The following ADGRL2 variants were observed in gnomAD, a reference collection of about 807,000 sequenced individuals.
ADGRL2 encodes adhesion G protein-coupled receptor L2.
In ADGRL2, 44 loss-of-function variants were observed where a neutral mutation model predicts 157.4. The observed-to-expected ratio is 0.28, with a 90% CI of 0.22 to 0.36. The LOEUF is 0.36. Among genes scored for constraint, ADGRL2 ranks in the 10% least tolerant of loss-of-function variants. The pLI is 1.00. For synonymous variants in ADGRL2, 585 were observed against 624.7 expected (o/e 0.94, Z 0.95); for missense variants, 1,510 against 1,768.9 (o/e 0.85, Z 2.63).
intron 1 of ADGRL2, among the ~76,000 whole-genome samples, chr1:81,756,991 T>G (rs111247895): frequency 6.6e-6 from 1 of 152,190 alleles, no homozygotes; most frequent in Non-Finnish European, 1.5e-5. Flanking sequence ...TTTGGTTTAC[T>G]AGGAGTGTCT....
chr1:81,752,106 G>A (rs556555129), intron 1 of ADGRL2, among the ~76,000 whole-genome samples: 5 of 152,256 alleles, frequency 3.3e-5, no homozygotes, highest in African/African-American at 4.8e-5. Flanking sequence ...AGGTGATTAG[G>A]TCATAAGGGT....
At chr1:81,569,086 T>C (rs972831642) in intron 2 of ADGRL2, among the ~76,000 whole-genome samples, 1 of 152,144 alleles carries the variant, frequency 6.6e-6, no homozygotes, top group African/African-American at 2.4e-5. Context: ...CTGCCCACAT[T>C]CAAATAAAAG....
At chr1:81,555,371 C>T (rs913098315) in intron 2 of ADGRL2, among the ~76,000 whole-genome samples, 6 of 149,646 alleles carry the variant, frequency 4.0e-5, no homozygotes, top group South Asian at 2.1e-4. Flanking sequence ...TGGGTTCAAG[C>T]GATTCTCCTG....
chr1:81,315,786 G>A (rs1228367180), intron 1 of ADGRL2, among the ~76,000 whole-genome samples: 1 of 151,306 alleles, frequency 6.6e-6, no homozygotes, highest in Non-Finnish European at 1.5e-5. Flanking sequence ...TTTTTGATTT[G>A]TTGAACTTTT....
chr1:81,818,552 C>G (rs778226087), intron 1 of ADGRL2, among the ~76,000 whole-genome samples: 5 of 152,094 alleles, frequency 3.3e-5, no homozygotes, highest in African/African-American at 4.8e-5. Context: ...TTTATTCTTT[C>G]CAAGAACGAT....
chr1:81,840,880 C>T lies in ADGRL2; in HGVS notation c.73+3823C>T, dbSNP rs182769768. 3.1e-3 allele frequency among the ~76,000 whole-genome samples: 466 copies of T among 152,102 alleles called. 2 individuals are homozygous for T. Among genetic ancestry groups the T allele is most frequent in the Non-Finnish European group, 4.2e-3 (283 of 67,976 alleles). ...CAGATTCTTGAAAAGTCAGTTTTAT[C>T]GAGAGACTGGTATGCTTTGATTCTT... On this transcript the variant is annotated intron_variant, in intron 2 of 23. Transcript: ENST00000686636.
At chr1:81,985,103 A>C (rs1193772971) in intron 20 of ADGRL2, among the ~76,000 whole-genome samples, 156 bp from the exon 21 acceptor site, 1 of 152,068 alleles carries the variant, frequency 6.6e-6, no homozygotes, top group African/African-American at 2.4e-5. Context: ...TAAACAATAG[A>C]TATTGTTAGT....
At chr1:81,648,382 G>A (rs550083340) in intron 3 of ADGRL2, among the ~76,000 whole-genome samples, 18 of 152,268 alleles carry the variant, frequency 1.2e-4, no homozygotes, top group African/African-American at 2.6e-4. Context: ...TCTCTGCTCC[G>A]GTGTGCTGCC....
At chr1:81,602,926 C>T (rs994136130) in intron 3 of ADGRL2, among the ~76,000 whole-genome samples, 3 of 146,898 alleles carry the variant, frequency 2.0e-5, no homozygotes, top group Admixed American at 1.4e-4. Context: ...GTGTCCAATA[C>T]ATGCAGAAAC....
chr1:81,824,882 G>C (rs1253521538), intron 1 of ADGRL2, among the ~76,000 whole-genome samples: 1 of 151,418 alleles, frequency 6.6e-6, no homozygotes, highest in East Asian at 1.9e-4. Context: ...CAGAAACAGT[G>C]CTGAATTAAG....
At chr1:81,731,296 C>CT (rs951546622) in intron 1 of ADGRL2, among the ~76,000 whole-genome samples, 16 of 152,228 alleles carry the variant, frequency 1.1e-4, no homozygotes, top group African/African-American at 3.8e-4. Context: ...TTCCCACCTA[C>CT]TTTTTTTCCC....
At chr1:81,378,964 A>T (rs1246764646) in intron 1 of ADGRL2, among the ~76,000 whole-genome samples, 2 of 152,102 alleles carry the variant, frequency 1.3e-5, no homozygotes, top group Non-Finnish European at 2.9e-5. Context: ...TTGAAAGATG[A>T]TATTTGATTG....
intron 2 of ADGRL2, among the ~76,000 whole-genome samples, chr1:81,904,705 C>T (rs916791179): frequency 1.3e-5 from 2 of 152,102 alleles, no homozygotes; most frequent in Non-Finnish European, 2.9e-5. Flanking sequence ...GTCAAGGGTT[C>T]GAGACCAGCC....
chr1:81,724,619 T>A, intron 1 of ADGRL2, among the ~76,000 whole-genome samples: 1 of 152,328 alleles, frequency 6.6e-6, no homozygotes, highest in Middle Eastern at 3.4e-3. Flanking sequence ...AGACTATGTA[T>A]AGACATCGTA....
intron 2 of ADGRL2, among the ~76,000 whole-genome samples, chr1:81,493,611 G>A (rs34592202): frequency 2.8e-4 from 43 of 152,248 alleles, no homozygotes; most frequent in Non-Finnish European, 5.6e-4. Context: ...TTTGTCTCTG[G>A]TCAGCTGAAA....
intron 2 of ADGRL2, among the ~76,000 whole-genome samples, chr1:81,895,732 G>GT (rs966873537): frequency 1.6e-4 from 25 of 151,722 alleles, no homozygotes; most frequent in East Asian, 1.4e-3. Context: ...TTGGTTAAGA[G>GT]TTTTTTTTGT....
At chr1:81,650,399 C>A (rs189194362) in intron 3 of ADGRL2, among the ~76,000 whole-genome samples, 2,502 of 143,560 alleles carry the variant, frequency 0.017, 76 homozygotes, top group African/African-American at 0.06. Flanking sequence ...GTAAAAAAAA[C>A]CCCATCTCTA....
intron 1 of ADGRL2, among the ~76,000 whole-genome samples, chr1:81,747,309 T>TATATA (rs1557616880): frequency 2.8e-5 from 4 of 143,894 alleles, no homozygotes; most frequent in African/African-American, 1.0e-4. Flanking sequence ...ATATATATAT[T>TATATA]TTTTTTTTTG....
At chr1:81,427,811 GT>G (rs2077246359) in intron 1 of ADGRL2, among the ~76,000 whole-genome samples, 1 of 152,162 alleles carries the variant, frequency 6.6e-6, no homozygotes, top group Non-Finnish European at 1.5e-5. Flanking sequence ...CATAGCCATA[GT>G]TTGCAAAAAG....
Sources: gnomAD v4.1 joint callset for allele counts (sites outside exome capture counted in the v4.1 genomes callset) on GRCh38, gnomAD v4.1.1 for gene constraint, MANE v1.5 for transcripts, NCBI Gene and HGNC (gene_info 2026-07-23, HGNC 2026-07-21) for gene names.